PRELID2: variants seen among roughly 807,000 people sequenced by gnomAD.
PRELID2 encodes PRELI domain-containing protein 2.
Under a neutral mutation model 28.4 loss-of-function variants are expected in PRELID2, and 25 were observed. The ratio of observed to expected loss-of-function variants is 0.88; its 90% confidence interval spans 0.64 to 1.23. The LOEUF is 1.23. Among genes scored for constraint, PRELID2 ranks in the 50% most tolerant of loss-of-function variants. The pLI is 0.00. For synonymous variants in PRELID2, 76 were observed against 71.6 expected (o/e 1.06, Z -0.31); for missense variants, 201 against 214.4 (o/e 0.94, Z 0.39).
the PRELID2 span, among the ~76,000 whole-genome samples, chr5:145,234,853 C>T: frequency 2.0e-5 from 3 of 152,116 alleles, no homozygotes; most frequent in South Asian, 6.2e-4. Context: ...ACAGCTGAGA[C>T]CTGAGGATGA....
the PRELID2 span, among the ~76,000 whole-genome samples, chr5:145,339,920 A>G: frequency 2.2e-4 from 33 of 152,216 alleles, no homozygotes; most frequent in African/African-American, 7.7e-4. Context: ...CCACACATGC[A>G]AGGACAAATC....
intron 4 of PRELID2, among the ~76,000 whole-genome samples, chr5:145,797,428 C>T (rs1752836068): frequency 6.6e-6 from 1 of 152,140 alleles, no homozygotes; most frequent in African/African-American, 2.4e-5. Flanking sequence ...CTTCTGGCTT[C>T]TCCCTCAGTA....
the PRELID2 span, among the ~76,000 whole-genome samples, chr5:145,297,997 A>T: frequency 1.3e-5 from 2 of 152,194 alleles, no homozygotes; most frequent in African/African-American, 4.8e-5. Context: ...AGAACATTCC[A>T]TTCTCATGGG....
intron 1 of PRELID2, among the ~76,000 whole-genome samples, chr5:145,654,268 GCCAA>G (rs940717543): frequency 3.3e-5 from 5 of 151,960 alleles, no homozygotes; most frequent in African/African-American, 1.2e-4. Flanking sequence ...TAGCTTACCA[GCCAA>G]AAAAAGTCCA....
chr5:145,282,088 G>A, the PRELID2 span, among the ~76,000 whole-genome samples: 3 of 152,246 alleles, frequency 2.0e-5, no homozygotes, highest in East Asian at 5.8e-4. Context: ...TACTTGTGAA[G>A]ATCAAGTGAT....
rs115461179 is a variant in PRELID2, at chr5:145,561,104, G to T, written n.71-87789C>A. ...TGCATGCCACAAAGATTTGTTAGGT[G>T]GAAAGGGAAAGATATTTAGCCTCCA... On this transcript the variant is annotated intron_variant and non_coding_transcript_variant, in intron 1 of 2. Transcript: ENST00000510259. Among the ~76,000 whole-genome samples, 597 of 152,090 alleles carry T rather than the reference G, an allele frequency of 3.9e-3. 5 individuals carry two copies. Among genetic ancestry groups the T allele is most frequent in the African/African-American group, 0.014 (568 of 41,486 alleles).
chr5:145,634,408 T>C (rs555004407), intron 1 of PRELID2, among the ~76,000 whole-genome samples: 1 of 152,196 alleles, frequency 6.6e-6, no homozygotes, highest in African/African-American at 2.4e-5. Context: ...ACACCTCGCA[T>C]TCAATGCTCA....
chr5:145,662,577 A>G (rs555575805), intron 1 of PRELID2, among the ~76,000 whole-genome samples: 23 of 152,230 alleles, frequency 1.5e-4, no homozygotes, highest in African/African-American at 5.5e-4. Flanking sequence ...TGAAGAGGCA[A>G]TTGGATCATG....
chr5:145,429,160 G>GA, the PRELID2 span, among the ~76,000 whole-genome samples: 15 of 152,322 alleles, frequency 9.8e-5, 1 homozygote, highest in South Asian at 3.1e-3. Context: ...CAGAAGCAAG[G>GA]ATAGAGATGG....
chr5:145,377,639 T>A, the PRELID2 span, among the ~76,000 whole-genome samples: 27 of 152,188 alleles, frequency 1.8e-4, no homozygotes, highest in African/African-American at 3.1e-4. Context: ...TGTCTTTTTT[T>A]AATTTTGTTC....
chr5:145,751,315 G>A (rs1757117268), intron 1 of PRELID2, among the ~76,000 whole-genome samples: 1 of 152,164 alleles, frequency 6.6e-6, no homozygotes. Flanking sequence ...GCAGAACATG[G>A]AAATTTCAGG....
At chr5:145,810,888 AG>A (rs1753878768) in intron 4 of PRELID2, among the ~76,000 whole-genome samples, 1 of 152,100 alleles carries the variant, frequency 6.6e-6, no homozygotes, top group Non-Finnish European at 1.5e-5. Flanking sequence ...TTTCAGAGGC[AG>A]AATTCTTCTT....
At chr5:145,785,971 C>A (rs1047313191) in intron 5 of PRELID2, among the ~76,000 whole-genome samples, 5 of 152,212 alleles carry the variant, frequency 3.3e-5, no homozygotes, top group African/African-American at 1.2e-4. Flanking sequence ...GCTGTTCATG[C>A]AATTCATGGC....
At chr5:145,799,557 G>T (rs1416419892) in intron 4 of PRELID2, among the ~76,000 whole-genome samples, 1 of 152,070 alleles carries the variant, frequency 6.6e-6, no homozygotes, top group African/African-American at 2.4e-5. Context: ...TTCCATCAGA[G>T]GAAAACCACA....
intron 1 of PRELID2, among the ~76,000 whole-genome samples, chr5:145,662,602 A>G (rs1754515403): frequency 6.6e-6 from 1 of 152,188 alleles, no homozygotes; most frequent in African/African-American, 2.4e-5. Context: ...CTTTGTCCTC[A>G]TTAATGGATT....
intron 1 of PRELID2, among the ~76,000 whole-genome samples, chr5:145,691,553 C>T (rs2149695992): frequency 6.6e-6 from 1 of 152,000 alleles, no homozygotes; most frequent in Non-Finnish European, 1.5e-5. Context: ...AAAATACAAA[C>T]AAACAAACAA....
chr5:145,720,479 G>A (rs918293483), intron 1 of PRELID2, among the ~76,000 whole-genome samples: 7 of 151,868 alleles, frequency 4.6e-5, no homozygotes, highest in African/African-American at 1.7e-4. Flanking sequence ...GAAAAAAAAT[G>A]TGAACCAAAG....
At chr5:145,613,692 T>C (rs926916167) in intron 1 of PRELID2, among the ~76,000 whole-genome samples, 1 of 152,056 alleles carries the variant, frequency 6.6e-6, no homozygotes, top group South Asian at 2.1e-4. Flanking sequence ...TTCTTACTGA[T>C]TTGTTTGAGT....
intron 1 of PRELID2, among the ~76,000 whole-genome samples, chr5:145,562,365 T>G (rs1009534828): frequency 6.6e-6 from 1 of 152,248 alleles, no homozygotes; most frequent in Admixed American, 6.5e-5. Context: ...TATATTTATT[T>G]TGCATAAATT....
Sources: allele counts gnomAD v4.1 joint callset (sites outside exome capture counted in the v4.1 genomes callset), GRCh38; gene constraint gnomAD v4.1.1; transcripts MANE v1.5; gene names NCBI Gene and HGNC (gene_info 2026-07-23, HGNC 2026-07-21).